ALPK1: variants seen among roughly 807,000 people sequenced by gnomAD.
The protein encoded by ALPK1 is alpha kinase 1.
ALPK1 carries 110 observed loss-of-function variants against 120.6 expected under a neutral mutation model. That is an observed-to-expected ratio of 0.91 (90% confidence interval 0.78 to 1.07). The LOEUF is 1.07. ALPK1 is among the 50% of genes least tolerant of loss of function. The pLI is 0.00. For missense variants in ALPK1, 1,498 were observed against 1,483.9 expected (o/e 1.01, Z -0.16); for synonymous variants, 582 against 560.3 (o/e 1.04, Z -0.55).
chr4:112,356,448 C>T (rs1730617734), intron 2 of ALPK1: 2 of 947,198 alleles, frequency 2.1e-6, no homozygotes, highest in Non-Finnish European at 1.7e-6. Flanking sequence ...CACGGACATC[C>T]CAAAGATCAT....
At position 112,425,721 on chromosome 4, in the gene ALPK1, C is replaced by G; in HGVS notation, c.592C>G (p.Gln198Glu). 6.2e-7 allele frequency: 1 copy of G among 1,612,770 alleles called. No individual in the cohort carries two copies. Among genetic ancestry groups the G allele is most frequent in the South Asian group, 1.1e-5 (1 of 90,980 alleles). The change falls in exon 7 of 16, where the codon CAG (glutamine) becomes GAG (glutamate). Residue 198 changes from glutamine to glutamate, a missense_variant. Gln to Glu is a conservative substitution (Grantham distance 29, BLOSUM62 2). Transcript: ENST00000650871. ...GGTCCTGGTGCAGTCGGTCTGTATA[C>G]AGATCAGAGGGCAGATTCTGCAAAA... ...DKVLVQSVCI[Q>E]IRGQILQKLG...
intron 2 of ALPK1, among the ~76,000 whole-genome samples, chr4:112,327,322 A>G (rs951918407): frequency 9.9e-5 from 15 of 152,220 alleles, no homozygotes; most frequent in Admixed American, 3.3e-4. Flanking sequence ...TAAATTTGGC[A>G]TAAGTAATAA....
chr4:112,339,734 T>A (rs756716765), intron 2 of ALPK1, among the ~76,000 whole-genome samples: 1 of 152,240 alleles, frequency 6.6e-6, no homozygotes, highest in African/African-American at 2.4e-5. Flanking sequence ...TGTCTTTGTC[T>A]ATGAAAAAGT....
intron 2 of ALPK1, among the ~76,000 whole-genome samples, chr4:112,324,233 A>G (rs1578464717): frequency 6.6e-6 from 1 of 151,854 alleles, no homozygotes; most frequent in African/African-American, 2.4e-5. Context: ...AGGCTGAGGC[A>G]GGAGAATGGC....
chr4:112,302,903 G>A (rs1346548949), intron 1 of ALPK1, among the ~76,000 whole-genome samples: 2 of 152,078 alleles, frequency 1.3e-5, no homozygotes, highest in Non-Finnish European at 2.9e-5. Flanking sequence ...CATTTGCCCT[G>A]AACTTACTTA....
intron 1 of ALPK1, among the ~76,000 whole-genome samples, chr4:112,315,099 C>G (rs1728577048): frequency 6.6e-6 from 1 of 151,978 alleles, no homozygotes; most frequent in African/African-American, 2.4e-5. Context: ...CCAGACTGGT[C>G]TTGAACTCTT....
chr4:112,380,684 C>T (rs1731862485), intron 3 of ALPK1, among the ~76,000 whole-genome samples: 1 of 151,962 alleles, frequency 6.6e-6, no homozygotes, highest in Non-Finnish European at 1.5e-5. Flanking sequence ...ACTAGATGAA[C>T]CATGTCTTTT....
intron 2 of ALPK1, among the ~76,000 whole-genome samples, chr4:112,327,731 C>T (rs1729179609): frequency 6.6e-6 from 1 of 152,136 alleles, no homozygotes; most frequent in African/African-American, 2.4e-5. Context: ...AGCTGTGAGC[C>T]ACCAGGCCCA....
In ALPK1 at chr4:112,426,868, C is replaced by T. The variant is rs149340760; in HGVS notation, c.699+325C>T. ...TGATTGCATAGCAAAGTTGAGATGA[C>T]CAAGTTGCTTATATGTAAAATCAGT... On this transcript the variant is annotated intron_variant, in intron 8 of 15. Transcript: ENST00000650871. Among the ~76,000 whole-genome samples the T allele has an allele frequency of 3.9e-5, 6 of 152,250 alleles. No individual in the cohort carries two copies. The East Asian group carries it at 1.2e-3, about 29-fold the overall frequency.
intron 1 of ALPK1, among the ~76,000 whole-genome samples, chr4:112,307,241 G>A (rs1728119543): frequency 2.0e-5 from 3 of 152,080 alleles, no homozygotes; most frequent in South Asian, 2.1e-4. Flanking sequence ...ATTTGGGGTG[G>A]AGAGTTGTGT....
At chr4:112,397,819 C>T (rs1329758730) in intron 4 of ALPK1, among the ~76,000 whole-genome samples, 2 of 146,054 alleles carry the variant, frequency 1.4e-5, no homozygotes, top group Non-Finnish European at 3.0e-5. Flanking sequence ...TGGGGAGCAG[C>T]TTCTTAAAAT....
chr4:112,342,565 C>A (rs1417905253), intron 2 of ALPK1, among the ~76,000 whole-genome samples: 5 of 152,094 alleles, frequency 3.3e-5, no homozygotes, highest in Admixed American at 2.0e-4. Flanking sequence ...CTCCTAAAAG[C>A]AATGACAATT....
At chr4:112,421,971 T>A (rs900960467) in intron 5 of ALPK1, among the ~76,000 whole-genome samples, 1 of 152,198 alleles carries the variant, frequency 6.6e-6, no homozygotes, top group Non-Finnish European at 1.5e-5. Context: ...CCAGCATCAC[T>A]ACTCCTGTCC....
intron 1 of ALPK1, among the ~76,000 whole-genome samples, chr4:112,304,278 C>T (rs901927953): frequency 5.3e-5 from 8 of 152,028 alleles, no homozygotes; most frequent in South Asian, 2.1e-4. Flanking sequence ...AATGGGATGG[C>T]GGGGTCAAAT....
intron 4 of ALPK1, among the ~76,000 whole-genome samples, chr4:112,389,399 G>A (rs1019204452): frequency 4.6e-5 from 7 of 152,142 alleles, no homozygotes; most frequent in Non-Finnish European, 8.8e-5. Context: ...CATGGCCAGG[G>A]GCCTGATTGC....
chr4:112,360,858 T>C (rs1730882793), intron 2 of ALPK1, among the ~76,000 whole-genome samples: 2 of 152,240 alleles, frequency 1.3e-5, no homozygotes, highest in Non-Finnish European at 2.9e-5. Context: ...GAAGGTAATT[T>C]GTCTTTTCTC....
At chr4:112,432,785 G>A (rs1411582376) in intron 11 of ALPK1, among the ~76,000 whole-genome samples, 1 of 152,170 alleles carries the variant, frequency 6.6e-6, no homozygotes, top group Non-Finnish European at 1.5e-5. Context: ...GCTTGCTCAG[G>A]CTACCTTGCA....
chr4:112,435,297 G>C lies in ALPK1; in HGVS notation c.3184G>C (p.Gly1062Arg), dbSNP rs142605222. 6.2e-7 allele frequency: 1 copy of C among 1,607,906 alleles called. No homozygotes were observed. The highest frequency in any genetic ancestry group is 1.3e-5 in the African/African-American group (1 of 74,142). ...TCATCTTCATCAAGAAGAAATTCTG[G>C]GGAGGTATTACTTAAAAACATTTGT... ...VHHLHQEEIL[G>R]RYVGKDYKEQ... is the part of the protein sequence containing the mutation. The change falls in exon 12 of 16, where the codon GGG becomes CGG. Residue 1062 changes from glycine to arginine, a missense_variant. By Grantham distance (125) the Gly-to-Arg change is moderately radical. Transcript: ENST00000650871.
chr4:112,327,555 C>T (rs1019504990), intron 2 of ALPK1, among the ~76,000 whole-genome samples: 1 of 152,176 alleles, frequency 6.6e-6, no homozygotes, highest in African/African-American at 2.4e-5. Context: ...CCGACCTCAG[C>T]CTCTGGACTA....
Sources: allele counts gnomAD v4.1 joint callset (sites outside exome capture counted in the v4.1 genomes callset), GRCh38; gene constraint gnomAD v4.1.1; transcripts MANE v1.5; gene names NCBI Gene and HGNC (gene_info 2026-07-23, HGNC 2026-07-21).